The following MGST2 variants were observed in gnomAD, a reference collection of about 807,000 sequenced individuals.
MGST2 encodes the protein glutathione peroxidase MGST2.
Under a neutral mutation model 16.6 loss-of-function variants are expected in MGST2, and 9 were observed. The observed-to-expected ratio is 0.54, with a 90% CI of 0.33 to 0.95. The LOEUF is 0.95. MGST2 is among the 40% of genes least tolerant of loss of function. MGST2 has a pLI of 0.03. For missense variants in MGST2, 159 were observed against 175.1 expected (o/e 0.91, Z 0.52); for synonymous variants, 79 against 68.0 (o/e 1.16, Z -0.79).
In MGST2 at chr4:139,717,884, G is replaced by A. The variant is rs992931255; in HGVS notation, c.*48+13688G>A. On this transcript the variant is annotated intron_variant, in intron 5 of 5. Coordinates refer to the MGST2 transcript ENST00000616265. ...TTGTTGATTCCTTCTGACAGATTTC[G>A]CTTAGGGCAGATGTGCGTCAATTGC... 5.9e-5 allele frequency: 9 copies of A among 152,148 alleles called. 1 individual carries two copies. The highest frequency in any genetic ancestry group is 5.9e-4 in the Admixed American group (9 of 15,268). The allele number at this position is 152,148 out of a possible 1,614,324, so 9.4% of individuals were successfully genotyped here.
At chr4:139,675,048 T>G (rs746928985) in intron 1 of MGST2, among the ~76,000 whole-genome samples, 2 of 152,348 alleles carry the variant, frequency 1.3e-5, no homozygotes, top group African/African-American at 4.8e-5. Flanking sequence ...ATTTTCCATC[T>G]GGTGGAGGTC....
intron 3 of MGST2, chr4:139,698,583 T>A: frequency 1.3e-6 from 1 of 792,898 alleles, no homozygotes; most frequent in Non-Finnish European, 2.1e-6. Context: ...CTTACCCCCC[T>A]TCTCCTTCGG....
At chr4:139,754,531 C>T in the MGST2 span, among the ~76,000 whole-genome samples, 1 of 152,180 alleles carries the variant, frequency 6.6e-6, no homozygotes, top group Non-Finnish European at 1.5e-5. Context: ...TCAATTTTCA[C>T]TACTTTATGC....
downstream of MGST2, among the ~76,000 whole-genome samples, chr4:139,741,136 G>GGCTA (rs1282324290): frequency 6.6e-6 from 1 of 152,152 alleles, no homozygotes; most frequent in Admixed American, 6.5e-5. Context: ...GGTTTGAGGA[G>GGCTA]GCTAGGACTT....
rs982860526 is a variant in MGST2, at chr4:139,698,452, C to G, written c.229+3185C>G. The G allele has an allele frequency of 2.6e-6, 3 of 1,166,802 alleles. No individual in the cohort carries two copies. In the Admixed American group the frequency reaches 5.1e-5, roughly 20 times the overall value. The allele number at this position is 1,166,802 out of a possible 1,614,324, so 72.3% of individuals were successfully genotyped here. On this transcript the variant is annotated intron_variant, in intron 3 of 4. Transcript: ENST00000265498. ...CTGTAACGATGAGGTTTCTTCACCCCTCCAGTAGAGGGCGCACTCTTGCGA... is the reference window on the plus strand; with the variant it reads ...CTGTAACGATGAGGTTTCTTCACCCGTCCAGTAGAGGGCGCACTCTTGCGA...
At position 139,735,813 on chromosome 4, in the gene MGST2, C is replaced by T. The variant is rs2111006976; in HGVS notation, c.*49-4399C>T. On this transcript the variant is annotated intron_variant, in intron 5 of 5. Coordinates refer to the MGST2 transcript ENST00000616265. This position sits in a 1 kb window ranked among gnomAD's most constrained non-coding sequence, Gnocchi z 5.8. ...TAGACTGCCTCTCGGCGCAGGCGGC[C>T]CTAACAAAGAAGCCCACGAGGCGGT... Among the ~76,000 whole-genome samples, 1 of 152,202 alleles carries T rather than the reference C, an allele frequency of 6.6e-6. No homozygotes were observed. The highest frequency in any genetic ancestry group is 6.5e-5 in the Admixed American group (1 of 15,300).
At chr4:139,705,705 A>G (rs1421066841), downstream of MGST2, 2 of 152,172 alleles carry the variant, frequency 1.3e-5, no homozygotes, top group Non-Finnish European at 2.9e-5. Flanking sequence ...CGAAGAGAAT[A>G]TTCTTTCTCT....
intron 3 of MGST2, among the ~76,000 whole-genome samples, chr4:139,702,971 G>A (rs983663063): frequency 2.0e-5 from 3 of 150,570 alleles, no homozygotes; most frequent in Non-Finnish European, 4.4e-5. Flanking sequence ...TGTCACCCAG[G>A]CTGGAGTTCA....
chr4:139,666,394 C>G (rs1730354438), intron 1 of MGST2, among the ~76,000 whole-genome samples: 1 of 152,108 alleles, frequency 6.6e-6, no homozygotes, highest in Admixed American at 6.6e-5. Context: ...TTCAAACGAG[C>G]GTTAGTAGCC....
intron 2 of MGST2, among the ~76,000 whole-genome samples, chr4:139,686,009 C>G (rs1731542077): frequency 6.6e-6 from 1 of 152,202 alleles, no homozygotes; most frequent in Admixed American, 6.5e-5. Context: ...ATAGCCCATG[C>G]CACAGCCCTC....
At chr4:139,691,992 G>A (rs8192096) in intron 2 of MGST2, among the ~76,000 whole-genome samples, 3,312 of 152,158 alleles carry the variant, frequency 0.022, 60 homozygotes, top group Non-Finnish European at 0.032. Flanking sequence ...GAGCCACTGC[G>A]CCCAGCAATT....
chr4:139,725,833 C>A, intron 5 of MGST2: 2 of 1,613,814 alleles, frequency 1.2e-6, no homozygotes, highest in East Asian at 4.5e-5. Context: ...ATTGCTGCAA[C>A]TGCTAGAACA....
Position 139,702,867 on chromosome 4 carries a change from T to TTTTTTTTTTTTTTTTTTTTTTTC in MGST2, c.230-585_230-584insTTTTTTTTTTTTTTTTTTTCTTT, listed in dbSNP as rs767366469. Among the ~76,000 whole-genome samples the TTTTTTTTTTTTTTTTTTTTTTTC allele has an allele frequency of 3.8e-5, 5 of 132,448 alleles. 1 individual carries two copies. Among genetic ancestry groups the TTTTTTTTTTTTTTTTTTTTTTTC allele is most frequent in the Admixed American group, 1.5e-4 (2 of 12,994 alleles). 86.9% of individuals were successfully genotyped at this position (132,448 alleles called of 152,430 possible). On this transcript the variant is annotated intron_variant, in intron 3 of 4. Coordinates refer to ENST00000265498, the MANE Select transcript of MGST2 (RefSeq NM_002413.5). ...TGGTTTTTTTTTTTTTTTTTTTTTT[T>TTTTTTTTTTTTTTTTTTTTTTTC]TTTACAATTTTAGCCATTCTGTTGG...
At chr4:139,727,937 C>T (rs1188485168) in intron 5 of MGST2, among the ~76,000 whole-genome samples, 7 of 152,094 alleles carry the variant, frequency 4.6e-5, no homozygotes, top group Non-Finnish European at 1.5e-5. Flanking sequence ...GAGAGCTGGC[C>T]GGGTGCCGTG....
chr4:139,682,618 A>G (rs1731312689), intron 2 of MGST2, among the ~76,000 whole-genome samples: 1 of 152,192 alleles, frequency 6.6e-6, no homozygotes, highest in Admixed American at 6.5e-5. Flanking sequence ...GTTTTAAGCA[A>G]AAGAGTGACA....
At chr4:139,754,504 G>A in the MGST2 span, among the ~76,000 whole-genome samples, 5 of 152,080 alleles carry the variant, frequency 3.3e-5, no homozygotes, top group Admixed American at 6.5e-5. Context: ...GCCTATTGTT[G>A]GACATTTAAA....
chr4:139,712,287 G>C (rs1275111854), intron 5 of MGST2, among the ~76,000 whole-genome samples: 1 of 152,170 alleles, frequency 6.6e-6, no homozygotes, highest in Non-Finnish European at 1.5e-5. Context: ...GCAGCAGTTA[G>C]AGATCACTGG....
intron 2 of MGST2, chr4:139,678,857 G>C (rs1390208353): frequency 1.7e-6 from 1 of 600,424 alleles, no homozygotes; most frequent in Non-Finnish European, 3.0e-6. Flanking sequence ...CAATTCAGCA[G>C]GGTATATTTA....
downstream of MGST2, among the ~76,000 whole-genome samples, chr4:139,706,350 G>A (rs1192278536): frequency 6.6e-6 from 1 of 152,142 alleles, no homozygotes; most frequent in Non-Finnish European, 1.5e-5. Flanking sequence ...CCTATCACTT[G>A]CTGGCTGTGC....
Sources: gnomAD v4.1 joint callset for allele counts (sites outside exome capture counted in the v4.1 genomes callset) on GRCh38, gnomAD v4.1.1 for gene constraint, Gnocchi (gnomAD v3.1) non-coding constraint, MANE v1.5 for transcripts, NCBI Gene and HGNC (gene_info 2026-07-23, HGNC 2026-07-21) for gene names.